Variants in TUSC3 observed in about 807,000 individuals in gnomAD.
TUSC3 encodes the protein tumor suppressor candidate 3.
A neutral mutation model predicts 44.8 loss-of-function variants in TUSC3; 45 were observed. The ratio of observed to expected loss-of-function variants is 1.00; its 90% CI spans 0.79 to 1.29. The LOEUF (loss-of-function observed/expected upper bound fraction) is 1.29, where lower values mean the gene tolerates loss of function less well. Ranked by LOEUF, TUSC3 falls within the 50% of genes most tolerant of loss-of-function variation. The pLI is 0.00. For missense variants in TUSC3, 519 were observed against 437.9 expected, an observed-to-expected ratio of 1.19 and a Z score of -1.65; for synonymous variants, 212 against 152.9, an observed-to-expected ratio of 1.39 and a Z score of -2.85.
chr8:15,682,404 T>C (rs1255623331), intron 6 of TUSC3, among the ~76,000 whole-genome samples: 1 of 152,194 alleles, frequency 6.6e-6, no homozygotes, highest in Non-Finnish European at 1.5e-5. Context: ...TCGAACTCTT[T>C]ATCATTATGT....
chr8:15,525,845 G>C (rs571455954), intron 2 of TUSC3, among the ~76,000 whole-genome samples: 13 of 152,088 alleles, frequency 8.5e-5, no homozygotes, highest in Non-Finnish European at 1.3e-4. Flanking sequence ...GAGCCTGATC[G>C]GTTAGGCCGT....
At chr8:15,661,403 A>G (rs1031217988) in intron 4 of TUSC3, among the ~76,000 whole-genome samples, 10 of 152,104 alleles carry the variant, frequency 6.6e-5, no homozygotes, top group African/African-American at 2.2e-4. Context: ...ACTTTGAAGA[A>G]TATAGTCCTT....
intron 1 of TUSC3, among the ~76,000 whole-genome samples, chr8:15,459,106 C>G (rs1457333970): frequency 2.0e-5 from 3 of 152,150 alleles, no homozygotes; most frequent in African/African-American, 4.8e-5. Flanking sequence ...CCTTATGACC[C>G]AAGTTTATGC....
At chr8:15,522,923 G>A (rs1053258023) in intron 2 of TUSC3, among the ~76,000 whole-genome samples, 8 of 152,208 alleles carry the variant, frequency 5.3e-5, no homozygotes, top group Non-Finnish European at 1.2e-4. Flanking sequence ...TCAAGGAGCA[G>A]AGAGAGGCGC....
chr8:15,474,085 C>T (rs1193060507), intron 1 of TUSC3, among the ~76,000 whole-genome samples: 1 of 152,080 alleles, frequency 6.6e-6, no homozygotes, highest in Non-Finnish European at 1.5e-5. Flanking sequence ...ATACTCCTTG[C>T]TAGGAAAAGA....
intron 1 of TUSC3, among the ~76,000 whole-genome samples, chr8:15,430,304 A>G (rs143254051): frequency 0.077 from 10,354 of 134,494 alleles, 605 homozygotes; most frequent in Middle Eastern, 0.16. Context: ...TTCATCCCTG[A>G]GAGGCAAGGC....
intron 6 of TUSC3, among the ~76,000 whole-genome samples, chr8:15,683,090 T>A (rs1238267474): frequency 1.3e-5 from 2 of 152,174 alleles, no homozygotes; most frequent in Non-Finnish European, 2.9e-5. Flanking sequence ...ATTTTTTCTT[T>A]TGCGTTGACC....
At chr8:15,852,072 C>A in the TUSC3 span, among the ~76,000 whole-genome samples, 4 of 152,136 alleles carry the variant, frequency 2.6e-5, no homozygotes, top group Non-Finnish European at 5.9e-5. Flanking sequence ...GTCCATTAAA[C>A]CTCTTTTTCG....
chr8:15,735,419 A>C (rs1004492278), intron 7 of TUSC3, among the ~76,000 whole-genome samples: 1 of 152,230 alleles, frequency 6.6e-6, no homozygotes, highest in Non-Finnish European at 1.5e-5. Context: ...TGTTTAGCCC[A>C]AAAAAGTTCC....
chr8:15,826,983 G>T, the TUSC3 span, among the ~76,000 whole-genome samples: 1 of 152,180 alleles, frequency 6.6e-6, no homozygotes, highest in Non-Finnish European at 1.5e-5. Flanking sequence ...TGCAGAGGTT[G>T]CAGGTCAGAG....
At chr8:15,476,693 C>G (rs567565776) in intron 1 of TUSC3, among the ~76,000 whole-genome samples, 7 of 152,326 alleles carry the variant, frequency 4.6e-5, no homozygotes, top group African/African-American at 9.6e-5. Flanking sequence ...CAAAAGTACC[C>G]TCCACAGGGT....
At chr8:15,645,975 T>C (rs1806608853) in intron 2 of TUSC3, among the ~76,000 whole-genome samples, 1 of 152,152 alleles carries the variant, frequency 6.6e-6, no homozygotes, top group Non-Finnish European at 1.5e-5. Flanking sequence ...GCTATGAAAC[T>C]ATATTATTCA....
chr8:15,723,625 C>A (rs537385244), intron 6 of TUSC3, among the ~76,000 whole-genome samples: 1 of 152,166 alleles, frequency 6.6e-6, no homozygotes, highest in South Asian at 2.1e-4. Context: ...AGAACTAATG[C>A]TGCCTCAAAG....
At chr8:15,562,523 G>T (rs1472414303) in intron 1 of TUSC3, among the ~76,000 whole-genome samples, 1 of 152,122 alleles carries the variant, frequency 6.6e-6, no homozygotes, top group African/African-American at 2.4e-5. Context: ...GTTTCTAGAT[G>T]TCAGAAGTCT....
the TUSC3 span, among the ~76,000 whole-genome samples, chr8:15,849,504 G>A: frequency 1.3e-5 from 2 of 152,088 alleles, no homozygotes; most frequent in Non-Finnish European, 2.9e-5. Flanking sequence ...ATCTGTAGAA[G>A]ATAAACTGAA....
chr8:15,702,984 C>G (rs1242282360), intron 6 of TUSC3, among the ~76,000 whole-genome samples: 4 of 152,028 alleles, frequency 2.6e-5, no homozygotes, highest in Non-Finnish European at 4.4e-5. Context: ...ATTAAACAAA[C>G]AAAAAACACC....
intron 3 of TUSC3, among the ~76,000 whole-genome samples, chr8:15,658,869 A>G (rs1585201706): frequency 2.0e-5 from 3 of 152,238 alleles, no homozygotes; most frequent in Admixed American, 6.5e-5. Context: ...TATTTCTGAA[A>G]TATAATCAAT....
At chr8:15,711,213 C>T (rs1468835897) in intron 6 of TUSC3, among the ~76,000 whole-genome samples, 10 of 151,600 alleles carry the variant, frequency 6.6e-5, no homozygotes, top group Non-Finnish European at 1.2e-4. Flanking sequence ...TCCTGTAAGT[C>T]TCTCCTCGAT....
intron 1 of TUSC3, among the ~76,000 whole-genome samples, chr8:15,582,766 T>G (rs1436536542): frequency 6.6e-6 from 1 of 152,198 alleles, no homozygotes; most frequent in African/African-American, 2.4e-5. Flanking sequence ...ACAACCTGCC[T>G]CAACTCGAAG....
Sources: allele counts gnomAD v4.1 joint callset (sites outside exome capture counted in the v4.1 genomes callset), GRCh38; gene constraint gnomAD v4.1.1; transcripts MANE v1.5; gene names NCBI Gene and HGNC (gene_info 2026-07-23, HGNC 2026-07-21).